CACNA2D2: variants seen among roughly 807,000 people sequenced by gnomAD.
CACNA2D2 encodes voltage-dependent calcium channel subunit alpha-2/delta-2.
A neutral mutation model predicts 166.4 loss-of-function variants in CACNA2D2; 48 were observed. The ratio of observed to expected loss-of-function variants is 0.29; its 90% CI spans 0.23 to 0.37. CACNA2D2 has a LOEUF of 0.37. Ranked by LOEUF, CACNA2D2 falls within the 10% of genes least tolerant of loss-of-function variation. CACNA2D2 has a pLI of 1.00. For missense variants in CACNA2D2, 1,122 were observed against 1,433.0 expected (o/e 0.78, Z 3.50); for synonymous variants, 561 against 573.7 (o/e 0.98, Z 0.32).
At chr3:50,400,964 C>T (rs926384174) in intron 3 of CACNA2D2, among the ~76,000 whole-genome samples, 2 of 152,170 alleles carry the variant, frequency 1.3e-5, no homozygotes, top group African/African-American at 4.8e-5. Flanking sequence ...CGTGAGCCAC[C>T]GCGCCTGGCC....
At position 50,444,143 on chromosome 3, in the gene CACNA2D2, G is replaced by A. The variant is rs1156720498; in HGVS notation, c.289-9714C>T. Reference sequence around the variant, plus strand: ...AGCAACCTTCTTCAGGGGCTGGGCAGGTCCCCCAAGGACTCCAGAGTGGCT... The same window carrying A: ...AGCAACCTTCTTCAGGGGCTGGGCAAGTCCCCCAAGGACTCCAGAGTGGCT... On this transcript the variant is annotated intron_variant, in intron 2 of 37. Transcript: ENST00000424201. Among the ~76,000 whole-genome samples the A allele has an allele frequency of 2.0e-5, 3 of 152,312 alleles. No homozygotes were observed. The East Asian group carries it at 5.8e-4, about 29-fold the overall frequency.
intron 2 of CACNA2D2, among the ~76,000 whole-genome samples, chr3:50,467,520 C>T (rs1295263600): frequency 1.3e-5 from 2 of 152,292 alleles, no homozygotes; most frequent in South Asian, 2.1e-4. Flanking sequence ...TCCATGTCAG[C>T]CTTGTGGGCA....
At chr3:50,417,992 A>G (rs924320963) in intron 3 of CACNA2D2, among the ~76,000 whole-genome samples, 1 of 152,146 alleles carries the variant, frequency 6.6e-6, no homozygotes, top group African/African-American at 2.4e-5. Context: ...GAAGAGCCAC[A>G]CATCCCTGCC....
intron 5 of CACNA2D2, among the ~76,000 whole-genome samples, chr3:50,386,879 C>T (rs750696398): frequency 4.6e-5 from 7 of 152,178 alleles, no homozygotes; most frequent in Non-Finnish European, 8.8e-5. Context: ...CAGCAAACAC[C>T]GTCTACTCCA....
chr3:50,479,724 C>T (rs1697961960), intron 1 of CACNA2D2, among the ~76,000 whole-genome samples: 1 of 152,210 alleles, frequency 6.6e-6, no homozygotes, highest in Non-Finnish European at 1.5e-5. Context: ...AATGTCCCTG[C>T]CCCCACTGGG....
chr3:50,428,512 C>T (rs894886290), intron 3 of CACNA2D2, among the ~76,000 whole-genome samples: 2 of 152,158 alleles, frequency 1.3e-5, no homozygotes, highest in Non-Finnish European at 2.9e-5. Context: ...GGTTAAGTGG[C>T]CATTAGCAGC....
At chr3:50,439,780 T>C (rs1708504720) in intron 2 of CACNA2D2, among the ~76,000 whole-genome samples, 1 of 152,094 alleles carries the variant, frequency 6.6e-6, no homozygotes, top group East Asian at 1.9e-4. Context: ...TCAGGGATGT[T>C]GGGTGGGTGG....
At position 50,374,725 on chromosome 3, in the gene CACNA2D2, C is replaced by T. The variant is rs1278037125; in HGVS notation, c.1984+12G>A. ...CAGGGTGCAGGGCGCAGGCAGGGGC[C>T]GGGCCACTTACACTTGACCTGCAGG... On this transcript the variant is annotated intron_variant, in intron 22 of 37. Transcript: ENST00000424201. The T allele has an allele frequency of 1.6e-5, 26 of 1,583,820 alleles. No homozygotes were observed. The highest frequency in any genetic ancestry group is 6.9e-5 in the East Asian group (3 of 43,486).
intron 3 of CACNA2D2, among the ~76,000 whole-genome samples, chr3:50,402,970 C>T (rs1706514716): frequency 6.6e-6 from 1 of 152,160 alleles, no homozygotes; most frequent in Admixed American, 6.5e-5. Flanking sequence ...CCTCCTGTCC[C>T]CTCATCAGTC....
At chr3:50,377,889 C>T in intron 15 of CACNA2D2, 86 bp from the exon 16 acceptor site, 1 of 1,485,594 alleles carries the variant, frequency 6.7e-7, no homozygotes, top group Non-Finnish European at 9.3e-7. Context: ...AGGTGCAGGC[C>T]ACCTCTTTCT....
intron 3 of CACNA2D2, among the ~76,000 whole-genome samples, chr3:50,403,490 C>T (rs1304862108): frequency 6.6e-6 from 1 of 152,178 alleles, no homozygotes; most frequent in Non-Finnish European, 1.5e-5. Context: ...TCCAGCCCTA[C>T]TCCCATGACC....
In CACNA2D2 at chr3:50,366,466, G is replaced by C. The variant is rs752267412; in HGVS notation, c.2637+112C>G. 62 of 1,467,986 alleles carry C rather than the reference G, an allele frequency of 4.2e-5. No individual in the cohort carries two copies. The highest frequency in any genetic ancestry group is 5.7e-5 in the Non-Finnish European group (60 of 1,048,070). 90.9% of individuals were successfully genotyped at this position (1,467,986 alleles called of 1,614,324 possible). On this transcript the variant is annotated intron_variant, in intron 30 of 37. Coordinates refer to ENST00000424201, the MANE Select transcript of CACNA2D2 (RefSeq NM_006030.4). This position sits in a 1 kb window ranked among gnomAD's most constrained non-coding sequence, Gnocchi z 5.9. Reference sequence around the variant, plus strand: ...GTCCTGGGAAGGCTGTGAAGTCAGGGTGGGGATGTTGAGACCCACAGGCCA... The same window carrying C: ...GTCCTGGGAAGGCTGTGAAGTCAGGCTGGGGATGTTGAGACCCACAGGCCA...
rs148095191 is a variant in CACNA2D2 at position 50,467,316 on chromosome 3, T to C, written c.288+8802A>G. ...TGAGTCCTGGCAGATGCCCCATGCC[T>C]GCTACATCTCCTAGGGCATCTGGCA... On this transcript the variant is annotated intron_variant, in intron 2 of 37. Transcript: ENST00000424201. Among the ~76,000 whole-genome samples the C allele has an allele frequency of 1.2e-3, 179 of 152,310 alleles. 1 individual carries two copies. Among genetic ancestry groups the C allele is most frequent in the African/African-American group, 3.8e-3 (156 of 41,580 alleles).
chr3:50,468,579 C>T (rs537070390), intron 2 of CACNA2D2, among the ~76,000 whole-genome samples: 2 of 152,132 alleles, frequency 1.3e-5, no homozygotes, highest in East Asian at 1.9e-4. Flanking sequence ...GTGCTGTCTG[C>T]CTAGGGAGGT....
chr3:50,375,718 G>T lies in CACNA2D2; in HGVS notation c.1846-13C>A. The stretch of plus-strand genomic sequence containing the variant: ...CATCTATGTACCTCTGGGAGAGGAG[G>T]CTGGGTCAGGTACTTGGGCTAGCAG... On this transcript the variant is annotated splice_polypyrimidine_tract_variant and intron_variant, in intron 20 of 37. Coordinates refer to ENST00000424201, the MANE Select transcript of CACNA2D2 (RefSeq NM_006030.4). This position sits in a 1 kb window ranked among gnomAD's most constrained non-coding sequence, Gnocchi z 4.0. 6.2e-7 allele frequency: 1 copy of T among 1,613,250 alleles called. No homozygotes were observed. The highest frequency in any genetic ancestry group is 8.5e-7 in the Non-Finnish European group (1 of 1,179,954).
intron 4 of CACNA2D2, among the ~76,000 whole-genome samples, chr3:50,390,307 T>C (rs1705822397): frequency 6.6e-6 from 1 of 152,178 alleles, no homozygotes; most frequent in Non-Finnish European, 1.5e-5. Context: ...GAGGCAAGGC[T>C]GCCCAGTTAA....
chr3:50,491,530 C>T (rs987117690), intron 1 of CACNA2D2, among the ~76,000 whole-genome samples: 5 of 152,170 alleles, frequency 3.3e-5, no homozygotes, highest in African/African-American at 4.8e-5. Context: ...AGGCACAGCC[C>T]AGGGGGTGAG....
rs1467809004 is a variant in CACNA2D2 at position 50,377,726 on chromosome 3, C to T, written c.1551+6G>A. On this transcript the variant is annotated splice_donor_region_variant and intron_variant, in intron 16 of 37. Coordinates refer to ENST00000424201, the MANE Select transcript of CACNA2D2 (RefSeq NM_006030.4). ...ACCCATAGCCCCAACCCTCCCCTTTCCTCACCTTCTTTTCCCCAGGGCCAT... is the reference window on the plus strand; with the variant it reads ...ACCCATAGCCCCAACCCTCCCCTTTTCTCACCTTCTTTTCCCCAGGGCCAT... 6.2e-7 allele frequency: 1 copy of T among 1,610,634 alleles called. No homozygotes were observed. Among genetic ancestry groups the T allele is most frequent in the African/African-American group, 1.3e-5 (1 of 74,906 alleles).
Position 50,365,039 on chromosome 3 carries a change from G to C in CACNA2D2, c.3208+36C>G. The C allele has an allele frequency of 1.9e-6, 3 of 1,599,998 alleles. No homozygotes were observed. Among genetic ancestry groups the C allele is most frequent in the Non-Finnish European group, 2.6e-6 (3 of 1,173,476 alleles). ...CACGGAGGGGGCGCGCGGGGCAGAG[G>C]GGGAGCGGGCGGCGGGGAGGGCGGG... On this transcript the variant is annotated intron_variant, in intron 36 of 37. Coordinates refer to ENST00000424201, the MANE Select transcript of CACNA2D2 (RefSeq NM_006030.4). This position sits in a 1 kb window ranked among gnomAD's most constrained non-coding sequence, Gnocchi z 4.5.
Sources: gnomAD v4.1 joint callset for allele counts (sites outside exome capture counted in the v4.1 genomes callset) on GRCh38, gnomAD v4.1.1 for gene constraint, Gnocchi (gnomAD v3.1) non-coding constraint, MANE v1.5 for transcripts, NCBI Gene and HGNC (gene_info 2026-07-23, HGNC 2026-07-21) for gene names.